The following ZNF385D variants were observed in gnomAD, a reference collection of about 807,000 sequenced individuals.
The protein encoded by ZNF385D is zinc finger protein 385D.
Under a neutral mutation model 35.8 loss-of-function variants are expected in ZNF385D, and 15 were observed. The ratio of observed to expected loss-of-function variants is 0.42; its 90% CI spans 0.28 to 0.64. The LOEUF (loss-of-function observed/expected upper bound fraction) is 0.64, where lower values mean the gene tolerates loss of function less well. Among genes scored for constraint, ZNF385D ranks in the 30% least tolerant of loss-of-function variants. The pLI, the probability that ZNF385D is intolerant of heterozygous loss-of-function variation, is 0.23. For synonymous variants in ZNF385D, 212 were observed against 186.8 expected (o/e 1.13, Z -1.10); for missense variants, 474 against 494.6 (o/e 0.96, Z 0.39).
At chr3:22,195,217 T>C (rs1160423839) in intron 2 of ZNF385D, among the ~76,000 whole-genome samples, 2 of 151,986 alleles carry the variant, frequency 1.3e-5, no homozygotes, top group African/African-American at 4.8e-5. Flanking sequence ...ATTTCCTTAA[T>C]GACTAATGAT....
intron 2 of ZNF385D, among the ~76,000 whole-genome samples, chr3:21,609,717 C>G (rs1487049131): frequency 6.6e-6 from 1 of 152,188 alleles, no homozygotes; most frequent in Non-Finnish European, 1.5e-5. Context: ...TAATACTTAT[C>G]TCTGGGATTC....
chr3:21,451,866 C>T (rs1320243915), intron 4 of ZNF385D, among the ~76,000 whole-genome samples: 1 of 151,976 alleles, frequency 6.6e-6, no homozygotes, highest in African/African-American at 2.4e-5. Context: ...ATTGGCAAAG[C>T]CATTATCAGC....
At chr3:21,776,141 G>A (rs562725934) in intron 3 of ZNF385D, among the ~76,000 whole-genome samples, 1 of 151,684 alleles carries the variant, frequency 6.6e-6, no homozygotes, top group South Asian at 2.1e-4. Flanking sequence ...TTATGAGTGT[G>A]TCATATTTAC....
chr3:21,851,105 G>GA (rs34907647), intron 3 of ZNF385D, among the ~76,000 whole-genome samples: 54,991 of 151,418 alleles, frequency 0.36, 10,101 homozygotes, highest in East Asian at 0.38. Flanking sequence ...AAAATTTTAA[G>GA]AAAACATAAA....
In ZNF385D at chr3:22,372,533, GC is replaced by G; in HGVS notation, c.22del (p.Ala8ArgfsTer7). 1 of 985,858 alleles carries G rather than the reference GC, an allele frequency of 1.0e-6. No individual in the cohort carries two copies. 61.1% of individuals were successfully genotyped at this position (985,858 alleles called of 1,614,324 possible). A position where few individuals can be genotyped will look rare whatever the true frequency, so the allele number is the denominator to read the frequency against. On this transcript the variant is annotated frameshift_variant, in exon 2 of 6. Coordinates refer to the ZNF385D transcript ENST00000494108. LOFTEE classifies it high-confidence loss of function. ...GCTCTTCATTCTCCTGCTGGCGGCC[GC>G]CCGGCGCCCTGGCCCTGGCATCCGG...
At chr3:21,595,483 TTATGTAATATA>T (rs2064103138) in intron 2 of ZNF385D, among the ~76,000 whole-genome samples, 1 of 149,378 alleles carries the variant, frequency 6.7e-6, no homozygotes, top group African/African-American at 2.4e-5. Context: ...TTATATATGT[TTATGTAATATA>T]TATGTATGTA....
At chr3:22,007,626 TCA>T (rs1696294588) in intron 3 of ZNF385D, among the ~76,000 whole-genome samples, 1 of 152,216 alleles carries the variant, frequency 6.6e-6, no homozygotes, top group African/African-American at 2.4e-5. Context: ...AGGTATTTCG[TCA>T]CAGTTTTGTC....
intron 6 of ZNF385D, 38 bp from the exon 7 acceptor site, chr3:21,424,102 T>C (rs766710527): frequency 1.3e-6 from 2 of 1,522,412 alleles, no homozygotes; most frequent in Admixed American, 4.6e-5. Flanking sequence ...TTTAAAAAAA[T>C]CATCTGCAAA....
intron 3 of ZNF385D, among the ~76,000 whole-genome samples, chr3:21,796,562 TA>T (rs1364084947): frequency 1.3e-5 from 2 of 151,186 alleles, no homozygotes; most frequent in African/African-American, 2.4e-5. Context: ...AATTTTTTTT[TA>T]AAAAGGAATC....
rs1407499180 is a variant in ZNF385D, at chr3:21,417,246, A to G, written c.*3968T>C. On this transcript the variant is annotated 3_prime_UTR_variant, in exon 8 of 8. Transcript: ENST00000281523. ...TGCCCCTCTAGTGCTGATGTATTAA[A>G]CCAGCTTAGCTATTAATCACTGTCA... The G allele has an allele frequency of 2.0e-5, 3 of 152,108 alleles. No individual in the cohort carries two copies. The highest frequency in any genetic ancestry group is 4.4e-5 in the Non-Finnish European group (3 of 67,976). 9.4% of individuals were successfully genotyped at this position (152,108 alleles called of 1,614,324 possible).
intron 3 of ZNF385D, among the ~76,000 whole-genome samples, chr3:22,130,696 G>A (rs562353077): frequency 6.4e-4 from 98 of 152,242 alleles, no homozygotes; most frequent in African/African-American, 2.3e-3. Context: ...TAGGAGAGGG[G>A]CGGTGTAGAC....
intron 2 of ZNF385D, among the ~76,000 whole-genome samples, chr3:22,276,272 T>A (rs1184068767): frequency 6.6e-6 from 1 of 152,122 alleles, no homozygotes; most frequent in Non-Finnish European, 1.5e-5. Context: ...AGAATATGTA[T>A]GATAAAGATT....
At position 21,919,520 on chromosome 3, in the gene ZNF385D, G is replaced by A. The variant is rs555824984; in HGVS notation, c.325+249297C>T. On this transcript the variant is annotated intron_variant, in intron 3 of 5. Transcript: ENST00000494108. ...AAAAAGGTAAGCAAAACAAGTAGTG[G>A]GAGACAGACTGTGAGCAGAGAAGTT... Among the ~76,000 whole-genome samples, 33 of 152,278 alleles carry A rather than the reference G, an allele frequency of 2.2e-4. No homozygotes were observed. The South Asian group carries it at 5.4e-3, about 25-fold the overall frequency.
intron 2 of ZNF385D, among the ~76,000 whole-genome samples, chr3:21,650,374 A>G (rs1175637810): frequency 9.0e-6 from 1 of 111,276 alleles, no homozygotes; most frequent in African/African-American, 3.7e-5. Context: ...CTTGGCTGTA[A>G]TAATAAAAGT....
chr3:22,268,420 T>A (rs973252499), intron 2 of ZNF385D, among the ~76,000 whole-genome samples: 1 of 152,046 alleles, frequency 6.6e-6, no homozygotes, highest in Admixed American at 6.6e-5. Flanking sequence ...ATGTTATTAA[T>A]TTTTTACTTT....
chr3:22,080,913 C>G (rs1360857835), intron 3 of ZNF385D, among the ~76,000 whole-genome samples: 1 of 152,130 alleles, frequency 6.6e-6, no homozygotes, highest in Non-Finnish European at 1.5e-5. Flanking sequence ...ACTGACCCTG[C>G]TGCTTCCTCA....
chr3:21,552,970 G>A (rs2062616443), intron 3 of ZNF385D, among the ~76,000 whole-genome samples: 1 of 152,158 alleles, frequency 6.6e-6, no homozygotes, highest in Non-Finnish European at 1.5e-5. Context: ...GAAGAGTGAG[G>A]CAATGATTAC....
intron 3 of ZNF385D, among the ~76,000 whole-genome samples, chr3:22,140,531 CA>C (rs1378253686): frequency 1.3e-5 from 2 of 151,916 alleles, no homozygotes; most frequent in African/African-American, 2.4e-5. Flanking sequence ...TATACCCCCC[CA>C]AAAACATGTA....
intron 2 of ZNF385D, among the ~76,000 whole-genome samples, chr3:22,350,079 T>A (rs757608316): frequency 7.4e-4 from 113 of 152,300 alleles, no homozygotes; most frequent in Admixed American, 2.2e-3. Context: ...TAAAGTTTTC[T>A]TCTCCTGTCT....
Sources: gnomAD v4.1 joint callset for allele counts (sites outside exome capture counted in the v4.1 genomes callset) on GRCh38, gnomAD v4.1.1 for gene constraint, MANE v1.5 for transcripts, NCBI Gene and HGNC (gene_info 2026-07-23, HGNC 2026-07-21) for gene names.